The following DDR2 variants were observed in gnomAD, a reference collection of about 807,000 sequenced individuals.
DDR2 encodes the protein discoidin domain-containing receptor 2.
A neutral mutation model predicts 94.9 loss-of-function variants in DDR2; 27 were observed. The ratio of observed to expected loss-of-function variants is 0.28; its 90% CI spans 0.21 to 0.39. The LOEUF (loss-of-function observed/expected upper bound fraction) is 0.39, where lower values mean the gene tolerates loss of function less well. Among genes scored for constraint, DDR2 ranks in the 10% least tolerant of loss-of-function variants. The pLI, the probability that DDR2 is intolerant of heterozygous loss-of-function variation, is 1.00. For synonymous variants in DDR2, 382 were observed against 377.2 expected (o/e 1.01, Z -0.15); for missense variants, 783 against 1,076.0 (o/e 0.73, Z 3.81).
chr1:162,647,013 A>AT (rs530286171), intron 1 of DDR2, among the ~76,000 whole-genome samples: 252 of 152,330 alleles, frequency 1.7e-3, no homozygotes, highest in African/African-American at 5.8e-3. Flanking sequence ...GAATGAATGA[A>AT]GGGGCAATTG....
At chr1:162,756,014 G>A (rs1347252124) in intron 7 of DDR2, among the ~76,000 whole-genome samples, 1 of 152,112 alleles carries the variant, frequency 6.6e-6, no homozygotes, top group Non-Finnish European at 1.5e-5. Context: ...AATGGCTAAA[G>A]TTTGTGATAT....
At chr1:162,726,829 C>T (rs77547225) in intron 3 of DDR2, among the ~76,000 whole-genome samples, 6 of 152,086 alleles carry the variant, frequency 3.9e-5, no homozygotes, top group Non-Finnish European at 5.9e-5. Flanking sequence ...GGAAACTGGG[C>T]GCACTGGGGC....
At chr1:162,647,066 ACC>A (rs1657447553) in intron 1 of DDR2, among the ~76,000 whole-genome samples, 1 of 152,126 alleles carries the variant, frequency 6.6e-6, no homozygotes, top group African/African-American at 2.4e-5. Flanking sequence ...TTTTGGCCAG[ACC>A]CTTGGAAAAT....
intron 3 of DDR2, among the ~76,000 whole-genome samples, chr1:162,721,642 G>C (rs1661427836): frequency 1.3e-5 from 2 of 152,164 alleles, no homozygotes; most frequent in African/African-American, 4.8e-5. Flanking sequence ...GTCCTTACTG[G>C]TGTCAACTGA....
intron 2 of DDR2, among the ~76,000 whole-genome samples, chr1:162,718,657 T>C (rs1196045558): frequency 1.3e-5 from 2 of 152,190 alleles, no homozygotes; most frequent in Admixed American, 1.3e-4. Flanking sequence ...AGTAAATGCT[T>C]CTCTTGGTTG....
At position 162,755,383 on chromosome 1, in the gene DDR2, G is replaced by A. The variant is rs1663410883; in HGVS notation, c.565+80G>A. On this transcript the variant is annotated intron_variant, in intron 6 of 17. Coordinates refer to ENST00000367921, the MANE Select transcript of DDR2 (RefSeq NM_006182.4). The stretch of plus-strand genomic sequence containing the variant: ...GAAATGAAGGCAATCAAATCAGAAA[G>A]GGATGGGATCAGTTACTCCTGGAAT... 2.6e-6 allele frequency: 4 copies of A among 1,556,738 alleles called. No individual in the cohort carries two copies. The Admixed American group carries it at 5.2e-5, about 20-fold the overall frequency.
intron 9 of DDR2, among the ~76,000 whole-genome samples, chr1:162,763,056 C>T (rs923533246): frequency 7.9e-5 from 12 of 151,960 alleles, no homozygotes; most frequent in African/African-American, 2.2e-4. Context: ...AGGCTGGTCT[C>T]GAACTCCTGA....
At chr1:162,762,981 T>C (rs1026308349) in intron 9 of DDR2, among the ~76,000 whole-genome samples, 3 of 152,018 alleles carry the variant, frequency 2.0e-5, no homozygotes, top group Non-Finnish European at 4.4e-5. Context: ...GGATTACAGG[T>C]GCCTGCCACT....
At chr1:162,730,558 G>T (rs1246488975) in intron 3 of DDR2, among the ~76,000 whole-genome samples, 2 of 152,190 alleles carry the variant, frequency 1.3e-5, no homozygotes, top group Non-Finnish European at 2.9e-5. Flanking sequence ...TACAGGTATT[G>T]CTAACTTGAG....
intron 2 of DDR2, among the ~76,000 whole-genome samples, chr1:162,714,847 G>T (rs926473470): frequency 6.6e-6 from 1 of 152,166 alleles, no homozygotes; most frequent in Non-Finnish European, 1.5e-5. Flanking sequence ...CTGAATGAAT[G>T]AATGAAGGCC....
At chr1:162,646,058 A>C (rs1275478708) in intron 1 of DDR2, among the ~76,000 whole-genome samples, 1 of 152,196 alleles carries the variant, frequency 6.6e-6, no homozygotes, top group African/African-American at 2.4e-5. Context: ...GCAACGACTC[A>C]GTTTTCCCAA....
intron 2 of DDR2, among the ~76,000 whole-genome samples, chr1:162,690,283 G>C (rs71639942): frequency 6.6e-6 from 1 of 152,100 alleles, no homozygotes; most frequent in African/African-American, 2.4e-5. Context: ...GGCTGGCGTA[G>C]AAACCCAGGC....
chr1:162,779,168 T>C (rs975206533), intron 17 of DDR2, among the ~76,000 whole-genome samples: 1 of 152,204 alleles, frequency 6.6e-6, no homozygotes, highest in Non-Finnish European at 1.5e-5. Context: ...GACTTGGATG[T>C]CTGAAAATGG....
chr1:162,647,515 C>T (rs1657473092), intron 1 of DDR2, among the ~76,000 whole-genome samples: 1 of 152,190 alleles, frequency 6.6e-6, no homozygotes, highest in Non-Finnish European at 1.5e-5. Flanking sequence ...AAAAGAATGG[C>T]TACTCCATAG....
At chr1:162,664,453 A>G (rs575087437) in intron 2 of DDR2, among the ~76,000 whole-genome samples, 15 of 152,308 alleles carry the variant, frequency 9.8e-5, no homozygotes, top group African/African-American at 3.6e-4. Context: ...CAAATTTATT[A>G]TAGAATTATG....
chr1:162,778,592 A>G lies in DDR2; in HGVS notation c.2296A>G (p.Thr766Ala), dbSNP rs780111117. The G allele has an allele frequency of 6.2e-7, 1 of 1,614,024 alleles. No individual in the cohort carries two copies. The highest frequency in any genetic ancestry group is 1.7e-5 in the Admixed American group (1 of 60,020). ...TTTACTTAAATAGGGCAAGTTCACT[A>G]CAGCAAGTGATGTGTGGGCCTTTGG... ...WESILLGKFT[T>A]ASDVWAFGVT... Residue 766 changes from threonine to alanine, a missense_variant, in exon 17 of 18, where the codon ACA becomes GCA. Thr to Ala is a moderately conservative substitution (Grantham distance 58, BLOSUM62 0). This residue lies in a region of DDR2 where 264 missense variants were observed against 428.2 expected (regional missense o/e 0.62). Transcript: ENST00000367921.
Position 162,643,201 on chromosome 1 carries a change from G to A in DDR2, c.-192+10570G>A, listed in dbSNP as rs894314663. Among the ~76,000 whole-genome samples, 10 of 151,870 alleles carry A rather than the reference G, an allele frequency of 6.6e-5. No homozygotes were observed. The South Asian group carries it at 8.4e-4, about 13-fold the overall frequency. ...CTGCCCCTCTCCTAGATCCACCAGC[G>A]CCCCCCATGCTCCAGAAAAATTGAG... On this transcript the variant is annotated intron_variant, in intron 1 of 17. Transcript: ENST00000367921.
intron 3 of DDR2, among the ~76,000 whole-genome samples, chr1:162,726,849 C>T (rs150169966): frequency 2.6e-5 from 4 of 152,024 alleles, no homozygotes; most frequent in East Asian, 1.9e-4. Context: ...CCATTAGGTC[C>T]GTGCATCACT....
intron 2 of DDR2, among the ~76,000 whole-genome samples, chr1:162,709,496 G>A (rs1028832300): frequency 1.1e-4 from 16 of 152,158 alleles, no homozygotes; most frequent in African/African-American, 3.6e-4. Flanking sequence ...CCTCCAATTG[G>A]AGAGAATTGA....
Sources: gnomAD v4.1 joint callset for allele counts (sites outside exome capture counted in the v4.1 genomes callset) on GRCh38, gnomAD v4.1.1 for gene constraint, gnomAD v4.1.1 regional missense constraint, MANE v1.5 for transcripts, NCBI Gene and HGNC (gene_info 2026-07-23, HGNC 2026-07-21) for gene names.